CDH1: variants seen among roughly 807,000 people sequenced by gnomAD.
CDH1 encodes cadherin-1.
A neutral mutation model predicts 84.5 loss-of-function variants in CDH1; 35 were observed. The ratio of observed to expected loss-of-function variants is 0.41; its 90% confidence interval spans 0.32 to 0.55. The LOEUF (loss-of-function observed/expected upper bound fraction) is 0.55. Ranked by LOEUF, CDH1 falls within the 20% of genes least tolerant of loss-of-function variation. The pLI is 0.19. For missense variants in CDH1, 994 were observed against 1,126.6 expected, an observed-to-expected ratio of 0.88 and a Z score of 1.68; for synonymous variants, 417 against 439.0, an observed-to-expected ratio of 0.95 and a Z score of 0.63.
At chr16:68,814,942 A>G (rs1403288481) in intron 9 of CDH1, among the ~76,000 whole-genome samples, 1 of 146,178 alleles carries the variant, frequency 6.8e-6, no homozygotes, top group Non-Finnish European at 1.5e-5. Flanking sequence ...AAAAAAAAAG[A>G]TGGCCGGGTG....
chr16:68,818,936 A>G (rs897365021), intron 10 of CDH1, among the ~76,000 whole-genome samples: 2 of 150,860 alleles, frequency 1.3e-5, no homozygotes, highest in Admixed American at 6.6e-5. Flanking sequence ...GCTCACTGCA[A>G]CCTCCATCTC....
chr16:68,833,266 A>G lies in CDH1; in HGVS notation c.2440-24A>G, dbSNP rs200590688. The G allele has an allele frequency of 7.5e-6, 12 of 1,606,142 alleles. No homozygotes were observed. The African/African-American group carries it at 1.5e-4, about 20-fold the overall frequency. On this transcript the variant is annotated intron_variant, in intron 15 of 15. Transcript: ENST00000261769. ...GGTGTGCCCTTCCTTTCACTAAAAG[A>G]TGCTTTTGTCCCTTCTTCTTTAGAA...
chr16:68,739,370 T>C (rs1962498383), intron 2 of CDH1, among the ~76,000 whole-genome samples: 1 of 152,064 alleles, frequency 6.6e-6, no homozygotes, highest in Non-Finnish European at 1.5e-5. Context: ...TGAGCTGAGA[T>C]AGTGCCACCG....
intron 2 of CDH1, among the ~76,000 whole-genome samples, chr16:68,761,619 T>G (rs1482000488): frequency 1.3e-5 from 2 of 151,752 alleles, no homozygotes; most frequent in Admixed American, 6.6e-5. Flanking sequence ...TGGAGACAGG[T>G]GTGTAGGAAA....
intron 2 of CDH1, among the ~76,000 whole-genome samples, chr16:68,746,292 G>A (rs1245628431): frequency 2.0e-5 from 3 of 152,098 alleles, no homozygotes; most frequent in Admixed American, 6.5e-5. Context: ...GGGCGTGGTG[G>A]CATGCTCCTG....
At chr16:68,745,946 T>C (rs1185980022) in intron 2 of CDH1, among the ~76,000 whole-genome samples, 6 of 152,148 alleles carry the variant, frequency 3.9e-5, no homozygotes, top group African/African-American at 1.4e-4. Flanking sequence ...GCCTCCCAAG[T>C]AGCTGGGATT....
At chr16:68,757,162 C>T (rs1183666921) in intron 2 of CDH1, among the ~76,000 whole-genome samples, 2 of 152,112 alleles carry the variant, frequency 1.3e-5, no homozygotes, top group African/African-American at 4.8e-5. Flanking sequence ...AGTCTCAGCT[C>T]ACTGCAACCT....
At chr16:68,816,495 C>A (rs1342583166) in intron 10 of CDH1, among the ~76,000 whole-genome samples, 1 of 152,148 alleles carries the variant, frequency 6.6e-6, no homozygotes, top group Non-Finnish European at 1.5e-5. Context: ...CCTGTAATCC[C>A]AAAACTTAGG....
chr16:68,768,707 T>C (rs528603437), intron 2 of CDH1, among the ~76,000 whole-genome samples: 5 of 152,242 alleles, frequency 3.3e-5, no homozygotes, highest in East Asian at 1.9e-4. Flanking sequence ...AGAACAAAAA[T>C]ATTTAAATTG....
chr16:68,785,030 A>T (rs1029463829), intron 2 of CDH1, among the ~76,000 whole-genome samples: 7 of 152,184 alleles, frequency 4.6e-5, no homozygotes, highest in African/African-American at 9.7e-5. Flanking sequence ...ATTGAAAAAA[A>T]AATAATCTAA....
At position 68,737,430 on chromosome 16, in the gene CDH1, C is replaced by A. The variant is rs786201287; in HGVS notation, c.15C>A (p.Ser5Arg). MGPW[S>R]RSLSALLLLL... ...CCCGGCCAGCCATGGGCCCTTGGAG[C>A]CGCAGCCTCTCGGCGCTGCTGCTGC... is the stretch of plus-strand genomic sequence containing the variant. The change falls in exon 1 of 16, where the codon AGC becomes AGA. Residue 5 changes from serine to arginine, a missense_variant. This residue lies in a region of CDH1 where 203 missense variants were observed against 194.0 expected (regional missense o/e 1.05). Transcript: ENST00000261769. 1.3e-6 allele frequency: 2 copies of A among 1,534,784 alleles called. No individual in the cohort carries two copies. Among genetic ancestry groups the A allele is most frequent in the Non-Finnish European group, 1.7e-6 (2 of 1,147,054 alleles).
chr16:68,805,626 C>T (rs1317406808), intron 3 of CDH1, among the ~76,000 whole-genome samples: 2 of 152,144 alleles, frequency 1.3e-5, no homozygotes. Flanking sequence ...TGCAGTTTCA[C>T]TCTTGTCACC....
intron 2 of CDH1, among the ~76,000 whole-genome samples, chr16:68,748,738 G>A (rs1258036979): frequency 6.6e-6 from 1 of 152,236 alleles, no homozygotes; most frequent in Non-Finnish European, 1.5e-5. Flanking sequence ...GCACATCAGC[G>A]TTTAGAGACA....
intron 2 of CDH1, among the ~76,000 whole-genome samples, chr16:68,787,152 A>G (rs1047184367): frequency 1.3e-5 from 2 of 152,194 alleles, no homozygotes; most frequent in African/African-American, 2.4e-5. Context: ...TGTTTTTTAT[A>G]GAGAATAAAT....
At chr16:68,744,506 C>G (rs906773749) in intron 2 of CDH1, among the ~76,000 whole-genome samples, 1 of 152,094 alleles carries the variant, frequency 6.6e-6, no homozygotes, top group Non-Finnish European at 1.5e-5. Context: ...AGTGTCCCAG[C>G]TTGTTCTTGT....
At chr16:68,749,350 T>A (rs1332958638) in intron 2 of CDH1, among the ~76,000 whole-genome samples, 1 of 152,200 alleles carries the variant, frequency 6.6e-6, no homozygotes, top group East Asian at 1.9e-4. Context: ...AAGGGGTATT[T>A]GGGAATGTCA....
At chr16:68,811,962 G>A (rs1025081916) in intron 7 of CDH1, 103 bp downstream of exon 7, 15 of 1,470,942 alleles carry the variant, frequency 1.0e-5, no homozygotes, top group African/African-American at 4.2e-5. Flanking sequence ...AGTTAATACA[G>A]TGATGGTCTA....
chr16:68,793,328 C>T (rs1458307187), intron 2 of CDH1, among the ~76,000 whole-genome samples: 1 of 152,218 alleles, frequency 6.6e-6, no homozygotes, highest in African/African-American at 2.4e-5. Context: ...ACTGGATTTC[C>T]AAGGCTCAAT....
intron 3 of CDH1, among the ~76,000 whole-genome samples, chr16:68,807,801 C>A (rs1305765823): frequency 1.3e-5 from 2 of 152,118 alleles, no homozygotes; most frequent in East Asian, 3.9e-4. Context: ...ATATTATGGG[C>A]TGGGTGTGGT....
Sources: allele counts gnomAD v4.1 joint callset (sites outside exome capture counted in the v4.1 genomes callset), GRCh38; gene constraint gnomAD v4.1.1; regional missense constraint gnomAD v4.1.1; transcripts MANE v1.5; gene names NCBI Gene and HGNC (gene_info 2026-07-23, HGNC 2026-07-21).